Variants in TANC1 observed in about 807,000 individuals in gnomAD.
TANC1 encodes the protein protein TANC1.
TANC1 carries 77 observed loss-of-function variants against 149.7 expected under a neutral mutation model. The observed-to-expected ratio is 0.51, with a 90% CI of 0.43 to 0.62. The LOEUF (loss-of-function observed/expected upper bound fraction) is 0.62, where lower values mean the gene tolerates loss of function less well. Among genes scored for constraint, TANC1 ranks in the 20% least tolerant of loss-of-function variants. The pLI is 0.00. For missense variants in TANC1, 1,985 were observed against 2,321.8 expected (o/e 0.85, Z 2.98); for synonymous variants, 854 against 925.0 (o/e 0.92, Z 1.39).
chr2:159,217,605 G>A lies in TANC1; in HGVS notation c.3353G>A (p.Cys1118Tyr), dbSNP rs1435380586. The A allele has an allele frequency of 9.3e-6, 15 of 1,614,176 alleles. No homozygotes were observed. Among genetic ancestry groups the A allele is most frequent in the Non-Finnish European group, 1.3e-5 (15 of 1,180,026 alleles). Residue 1118 changes from cysteine (C) to tyrosine (Y), a missense_variant, in exon 20 of 27, where the codon TGT becomes TAT. Cys to Tyr is a radical substitution (Grantham distance 194). This residue lies in a region of TANC1 where 920 missense variants were observed against 994.7 expected (regional missense o/e 0.92). Transcript: ENST00000263635. ...AGGAGAGGGGTTCCACCTTTGTTTTGTGCAGCACGCCAGGGGCATTGGCAG... is the reference window on the plus strand; with the variant it reads ...AGGAGAGGGGTTCCACCTTTGTTTTATGCAGCACGCCAGGGGCATTGGCAG... ...TNRRGVPPLF[C>Y]AARQGHWQIV...
At chr2:158,969,951 C>T (rs1393103667) in intron 1 of TANC1, among the ~76,000 whole-genome samples, 2 of 152,158 alleles carry the variant, frequency 1.3e-5, no homozygotes, top group African/African-American at 4.8e-5. Flanking sequence ...AACTTGACCC[C>T]AGAAGCAGCG....
intron 2 of TANC1, among the ~76,000 whole-genome samples, chr2:159,034,941 G>A (rs1196565269): frequency 6.6e-6 from 1 of 152,224 alleles, no homozygotes; most frequent in Admixed American, 6.5e-5. Flanking sequence ...AGTCAAAGCA[G>A]TGTTCAATGC....
Position 159,179,089 on chromosome 2 carries a change from C to T in TANC1, c.2436C>T (p.Phe812=). The change falls in exon 14 of 27, where the codon TTC becomes TTT. Residue 812 remains phenylalanine, a synonymous_variant. Coordinates refer to ENST00000263635, the MANE Select transcript of TANC1 (RefSeq NM_033394.3). ...LIKRRDKTRM[F]CHPSFREWLV... ...AGAGGCGAGACAAAACCCGCATGTT[C>T]TGCCACCCGTCCTTCAGGGAGTGGC... 6.2e-7 allele frequency: 1 copy of T among 1,613,848 alleles called. No homozygotes were observed.
At chr2:159,130,248 G>C (rs2150154877) in intron 4 of TANC1, among the ~76,000 whole-genome samples, 1 of 152,174 alleles carries the variant, frequency 6.6e-6, no homozygotes, top group African/African-American at 2.4e-5. Flanking sequence ...ATGCTTTCTG[G>C]GTAATTATTA....
intron 22 of TANC1, among the ~76,000 whole-genome samples, chr2:159,223,168 G>A (rs1435522071): frequency 6.6e-6 from 1 of 152,242 alleles, no homozygotes; most frequent in Non-Finnish European, 1.5e-5. Context: ...GCCTCCCAAA[G>A]TGCTGGGATT....
intron 3 of TANC1, among the ~76,000 whole-genome samples, chr2:159,089,051 C>T (rs560583605): frequency 1.3e-5 from 2 of 152,272 alleles, no homozygotes; most frequent in South Asian, 4.1e-4. Context: ...TGATCTGGAG[C>T]TGTTGTTCCT....
intron 2 of TANC1, among the ~76,000 whole-genome samples, chr2:159,059,332 C>A (rs796432914): frequency 2.0e-4 from 31 of 151,930 alleles, no homozygotes; most frequent in African/African-American, 7.5e-4. Context: ...AATGAGACCT[C>A]CATCTCTATG....
chr2:159,109,417 A>T, intron 4 of TANC1, among the ~76,000 whole-genome samples: 1 of 152,174 alleles, frequency 6.6e-6, no homozygotes. Flanking sequence ...CTATGAAGAG[A>T]TGGGGCCTTT....
At chr2:159,186,812 C>T in intron 15 of TANC1, 90 bp from the exon 16 acceptor site, 4 of 1,552,478 alleles carry the variant, frequency 2.6e-6, no homozygotes, top group Non-Finnish European at 3.5e-6. Flanking sequence ...TGCGGCAGAC[C>T]CACTTTCAGA....
In TANC1 at chr2:159,176,637, A is replaced by G; in HGVS notation, c.1902+119A>G. 3.6e-6 allele frequency: 3 copies of G among 837,092 alleles called. No homozygotes were observed. In the South Asian group the frequency reaches 5.2e-5, roughly 14 times the overall value. 51.9% of individuals were successfully genotyped at this position (837,092 alleles called of 1,614,324 possible). ...TGCTTGAATTGGAAACTATGTTAAG[A>G]ATTTGAAAAACTAGTCCAGAGAGCC... On this transcript the variant is annotated intron_variant, in intron 13 of 26. Transcript: ENST00000263635.
rs757578909 is a variant in TANC1, at chr2:159,097,617, G to C, written c.62-20G>C. 14 of 1,591,182 alleles carry C rather than the reference G, an allele frequency of 8.8e-6. No individual in the cohort carries two copies. The highest frequency in any genetic ancestry group is 6.7e-5 in the Admixed American group (4 of 59,874). ...ATAATGAATGGATGGTTTAACCTAA[G>C]TATTCTCTCTCTACTCTAGGAAGTG... is the stretch of plus-strand genomic sequence containing the variant. On this transcript the variant is annotated intron_variant, in intron 3 of 26. Transcript: ENST00000263635.
chr2:159,143,649 A>C (rs2051717673), intron 5 of TANC1, among the ~76,000 whole-genome samples: 1 of 151,768 alleles, frequency 6.6e-6, no homozygotes, highest in African/African-American at 2.4e-5. Flanking sequence ...TTAACTAAAA[A>C]GACTCCTGTC....
chr2:159,132,269 AATAT>A (rs1022469017), intron 4 of TANC1, among the ~76,000 whole-genome samples: 3 of 152,128 alleles, frequency 2.0e-5, no homozygotes, highest in Non-Finnish European at 4.4e-5. Flanking sequence ...GTGACCACTG[AATAT>A]ATATTTTACT....
At chr2:159,194,570 G>T (rs1357445998) in intron 17 of TANC1, 77 bp downstream of exon 17, 6 of 1,278,398 alleles carry the variant, frequency 4.7e-6, no homozygotes, top group Non-Finnish European at 6.8e-6. Context: ...TATTTGCTGG[G>T]CCAGACTCTC....
At chr2:159,218,581 T>C (rs2059493054) in intron 20 of TANC1, among the ~76,000 whole-genome samples, 1 of 152,230 alleles carries the variant, frequency 6.6e-6, no homozygotes, top group South Asian at 2.1e-4. Flanking sequence ...TGGGCTAAGC[T>C]ACGGGTGAAG....
intron 2 of TANC1, among the ~76,000 whole-genome samples, chr2:159,011,935 A>G (rs1346530573): frequency 2.6e-5 from 4 of 152,028 alleles, no homozygotes; most frequent in Non-Finnish European, 5.9e-5. Flanking sequence ...CCCCAAGAAG[A>G]AGGAGGAGGG....
At chr2:159,197,624 CACACAG>C (rs937276563) in intron 18 of TANC1, among the ~76,000 whole-genome samples, 51 of 143,598 alleles carry the variant, frequency 3.6e-4, no homozygotes, top group Middle Eastern at 3.6e-3. Context: ...CACACACACA[CACACAG>C]AGAGATACTG....
chr2:159,226,213 C>T (rs11685555), intron 24 of TANC1: 17,614 of 180,390 alleles, frequency 0.098, 1,193 homozygotes, highest in Non-Finnish European at 0.14. Flanking sequence ...GACCTGGCCT[C>T]ATGCCCGTTG....
intron 2 of TANC1, among the ~76,000 whole-genome samples, chr2:159,043,394 C>T (rs1365986247): frequency 6.6e-6 from 1 of 152,014 alleles, no homozygotes; most frequent in Non-Finnish European, 1.5e-5. Flanking sequence ...AGAGTTGAGA[C>T]CAGGGACGTG....
Sources: allele counts gnomAD v4.1 joint callset (sites outside exome capture counted in the v4.1 genomes callset), GRCh38; gene constraint gnomAD v4.1.1; regional missense constraint gnomAD v4.1.1; transcripts MANE v1.5; gene names NCBI Gene and HGNC (gene_info 2026-07-23, HGNC 2026-07-21).